The following JAM3 variants were observed in gnomAD, a reference collection of about 807,000 sequenced individuals.
The protein encoded by JAM3 is junctional adhesion molecule 3.
Under a neutral mutation model 39.4 loss-of-function variants are expected in JAM3, and 31 were observed. That is an observed-to-expected ratio of 0.79 (90% CI 0.59 to 1.06). The LOEUF is 1.06. Among genes scored for constraint, JAM3 ranks in the 50% least tolerant of loss-of-function variants. The pLI is 0.00. For missense variants in JAM3, 455 were observed against 391.4 expected (o/e 1.16, Z -1.37); for synonymous variants, 182 against 148.7 (o/e 1.22, Z -1.63).
intron 1 of JAM3, among the ~76,000 whole-genome samples, chr11:134,134,398 C>CA (rs34729848): frequency 0.11 from 3,589 of 31,644 alleles, 198 homozygotes; most frequent in Non-Finnish European, 0.14. Flanking sequence ...GGATAAATGC[C>CA]AAAAAAAAAA....
At chr11:134,145,762 G>A in intron 5 of JAM3, among the ~76,000 whole-genome samples, 184 bp from the exon 6 acceptor site, 1 of 152,168 alleles carries the variant, frequency 6.6e-6, no homozygotes, top group Middle Eastern at 3.2e-3. Flanking sequence ...AGTCCCAAGG[G>A]GATTGGTTGT....
chr11:134,083,276 C>T (rs1000888266), intron 1 of JAM3, among the ~76,000 whole-genome samples: 3 of 152,166 alleles, frequency 2.0e-5, no homozygotes, highest in Non-Finnish European at 4.4e-5. Context: ...TGTCCATTTA[C>T]AGCAGATCGC....
At position 134,145,942 on chromosome 11, in the gene JAM3, A is replaced by G; in HGVS notation, c.613-4A>G. ...GATTATTTACTTGTCATTCCCTGAA[A>G]CAGGTGTTCACTGCTGTTCACAAGG... On this transcript the variant is annotated splice_region_variant and splice_polypyrimidine_tract_variant and intron_variant, in intron 5 of 8. Transcript: ENST00000299106. The G allele has an allele frequency of 6.2e-7, 1 of 1,601,550 alleles. No individual in the cohort carries two copies. The highest frequency in any genetic ancestry group is 8.6e-7 in the Non-Finnish European group (1 of 1,168,576).
intron 1 of JAM3, among the ~76,000 whole-genome samples, chr11:134,100,016 C>G (rs150523725): frequency 6.6e-6 from 1 of 152,186 alleles, no homozygotes; most frequent in Admixed American, 6.5e-5. Flanking sequence ...TTTTAAGTCA[C>G]TTCTGACTTT....
At chr11:134,121,361 T>C (rs1354530030) in intron 1 of JAM3, among the ~76,000 whole-genome samples, 3 of 152,140 alleles carry the variant, frequency 2.0e-5, no homozygotes, top group African/African-American at 7.2e-5. Flanking sequence ...AACACAGTAG[T>C]TCCAGAGAAG....
At chr11:134,101,118 T>C (rs920104031) in intron 1 of JAM3, among the ~76,000 whole-genome samples, 2 of 152,182 alleles carry the variant, frequency 1.3e-5, no homozygotes, top group Admixed American at 6.5e-5. Context: ...ACTGTGAACA[T>C]TTCTTCTCTG....
At chr11:134,121,908 T>C (rs1235911397) in intron 1 of JAM3, among the ~76,000 whole-genome samples, 2 of 152,146 alleles carry the variant, frequency 1.3e-5, no homozygotes, top group Non-Finnish European at 2.9e-5. Context: ...GTCATGGTAT[T>C]GATCAAAACA....
intron 1 of JAM3, among the ~76,000 whole-genome samples, chr11:134,134,579 G>C (rs1234999469): frequency 6.6e-6 from 1 of 152,056 alleles, no homozygotes; most frequent in Non-Finnish European, 1.5e-5. Flanking sequence ...ACTTTTCAAG[G>C]AACTGCCAAG....
intron 1 of JAM3, among the ~76,000 whole-genome samples, chr11:134,128,108 C>G (rs1942688118): frequency 6.6e-6 from 1 of 152,056 alleles, no homozygotes; most frequent in African/African-American, 2.4e-5. Context: ...AAAGGTTTTC[C>G]TCTTGGGCTT....
At position 134,076,383 on chromosome 11, in the gene JAM3, G is replaced by A. The variant is rs372202291; in HGVS notation, c.76+7224G>A. On this transcript the variant is annotated intron_variant, in intron 1 of 8. Transcript: ENST00000299106. ...TTGATCAGGCTGGTCTCGAATTCCC[G>A]ACCTCAGGTGATCCGCCTGCCTCGG... 2.8e-3 allele frequency among the ~76,000 whole-genome samples: 418 copies of A among 151,950 alleles called. 2 individuals are homozygous for A. Among genetic ancestry groups the A allele is most frequent in the African/African-American group, 9.3e-3 (387 of 41,468 alleles).
intron 1 of JAM3, among the ~76,000 whole-genome samples, chr11:134,092,311 C>T (rs11223686): frequency 0.15 from 22,008 of 149,254 alleles, 1,737 homozygotes; most frequent in African/African-American, 0.21. Flanking sequence ...TTAAACGTCA[C>T]TTCCTGAGGG....
chr11:134,082,274 A>T (rs191021206), intron 1 of JAM3, among the ~76,000 whole-genome samples: 1 of 152,326 alleles, frequency 6.6e-6, no homozygotes, highest in East Asian at 1.9e-4. Flanking sequence ...GTCTCAGATG[A>T]GACTTTGGAC....
rs146270304 is a variant in JAM3 at position 134,106,672 on chromosome 11, A to G, written c.77-33179A>G. On this transcript the variant is annotated intron_variant, in intron 1 of 8. Coordinates refer to ENST00000299106, the MANE Select transcript of JAM3 (RefSeq NM_032801.5). ...AAACCTCATCAACAAATGGGCAAAGAATATGAACAGACACTTCTCAAAAGA... is the reference window on the plus strand; with the variant it reads ...AAACCTCATCAACAAATGGGCAAAGGATATGAACAGACACTTCTCAAAAGA... Among the ~76,000 whole-genome samples the G allele has an allele frequency of 5.2e-4, 79 of 152,338 alleles. 1 individual carries two copies. The highest frequency in any genetic ancestry group is 2.7e-3 in the South Asian group (13 of 4,826).
At chr11:134,128,629 C>T (rs546066178) in intron 1 of JAM3, among the ~76,000 whole-genome samples, 7 of 152,180 alleles carry the variant, frequency 4.6e-5, no homozygotes, top group South Asian at 4.1e-4. Context: ...TTCGCTCACT[C>T]GTGTGCATGT....
At chr11:134,107,162 A>T (rs1346108841) in intron 1 of JAM3, among the ~76,000 whole-genome samples, 4 of 152,242 alleles carry the variant, frequency 2.6e-5, no homozygotes, top group African/African-American at 9.6e-5. Flanking sequence ...ATAAAAAATG[A>T]TGAGTTCATG....
At chr11:134,078,841 C>G (rs990789666) in intron 1 of JAM3, among the ~76,000 whole-genome samples, 1 of 152,092 alleles carries the variant, frequency 6.6e-6, no homozygotes, top group African/African-American at 2.4e-5. Flanking sequence ...GAGTTCGAGA[C>G]CAGCCTGACC....
chr11:134,123,061 A>G lies in JAM3; in HGVS notation c.77-16790A>G, dbSNP rs139611233. ...TAAAATGCCATTTCCCCACTAATTT[A>G]TCAAAATAAAACAAAAGGCTCTTGG... On this transcript the variant is annotated intron_variant, in intron 1 of 8. Coordinates refer to ENST00000299106, the MANE Select transcript of JAM3 (RefSeq NM_032801.5). Among the ~76,000 whole-genome samples, 12 of 152,340 alleles carry G rather than the reference A, an allele frequency of 7.9e-5. No individual in the cohort carries two copies. The East Asian group carries it at 2.1e-3, about 27-fold the overall frequency.
chr11:134,103,292 C>T (rs1942113457), intron 1 of JAM3, among the ~76,000 whole-genome samples: 1 of 152,006 alleles, frequency 6.6e-6, no homozygotes, highest in Non-Finnish European at 1.5e-5. Flanking sequence ...AAATAAAATC[C>T]TTTAGAGACA....
At chr11:134,151,999 AAACC>A (rs1444888898) in exon 9 of JAM3, 6 of 152,190 alleles carry the variant, frequency 3.9e-5, no homozygotes, top group African/African-American at 9.7e-5. Context: ...CCCATCCCCC[AAACC>A]AACCAACGCA....
Sources: allele counts gnomAD v4.1 joint callset (sites outside exome capture counted in the v4.1 genomes callset), GRCh38; gene constraint gnomAD v4.1.1; transcripts MANE v1.5; gene names NCBI Gene and HGNC (gene_info 2026-07-23, HGNC 2026-07-21).